PTPRK: variants seen among roughly 807,000 people sequenced by gnomAD.
PTPRK encodes the protein receptor-type tyrosine-protein phosphatase kappa.
A neutral mutation model predicts 178.0 loss-of-function variants in PTPRK; 75 were observed. That is an observed-to-expected ratio of 0.42 (90% CI 0.35 to 0.51). PTPRK has a LOEUF of 0.51. Among genes scored for constraint, PTPRK ranks in the 20% least tolerant of loss-of-function variants. The probability of loss-of-function intolerance (pLI) is 0.02; values close to 1 mark genes in which losing one functional copy is unlikely to be tolerated. For missense variants in PTPRK, 1,441 were observed against 1,797.8 expected (o/e 0.80, Z 3.59); for synonymous variants, 637 against 620.6 (o/e 1.03, Z -0.39).
intron 6 of PTPRK, among the ~76,000 whole-genome samples, chr6:128,187,538 G>A (rs1802987659): frequency 6.6e-6 from 1 of 152,156 alleles, no homozygotes; most frequent in Non-Finnish European, 1.5e-5. Context: ...TGTGATGCTA[G>A]GTTGCTTTGT....
At chr6:128,189,821 C>T (rs1583402191) in intron 6 of PTPRK, among the ~76,000 whole-genome samples, 1 of 152,080 alleles carries the variant, frequency 6.6e-6, no homozygotes, top group East Asian at 1.9e-4. Flanking sequence ...AATTTTCTTC[C>T]CCATCACCTA....
At chr6:128,173,995 A>G (rs1358497297) in intron 7 of PTPRK, among the ~76,000 whole-genome samples, 1 of 151,994 alleles carries the variant, frequency 6.6e-6, no homozygotes, top group Non-Finnish European at 1.5e-5. Context: ...AGATGAACTG[A>G]TGGATGAATA....
chr6:128,233,103 G>C (rs1562836792), intron 5 of PTPRK, among the ~76,000 whole-genome samples: 2 of 152,136 alleles, frequency 1.3e-5, no homozygotes, highest in African/African-American at 2.4e-5. Context: ...AAAATAAATA[G>C]TGTCAGGATA....
chr6:128,022,461 AC>A (rs929143023), intron 13 of PTPRK, among the ~76,000 whole-genome samples: 11 of 152,090 alleles, frequency 7.2e-5, no homozygotes, highest in Non-Finnish European at 1.5e-4. Flanking sequence ...TAGTATATTT[AC>A]TTTTTCGATT....
intron 3 of PTPRK, among the ~76,000 whole-genome samples, chr6:128,295,815 T>C (rs1016467964): frequency 6.6e-6 from 1 of 152,132 alleles, no homozygotes; most frequent in Non-Finnish European, 1.5e-5. Context: ...GCAGAGCTAA[T>C]ATACCTTAAA....
At chr6:128,171,741 G>A (rs1800291242) in intron 7 of PTPRK, among the ~76,000 whole-genome samples, 1 of 151,840 alleles carries the variant, frequency 6.6e-6, no homozygotes, top group South Asian at 2.1e-4. Flanking sequence ...ATGCCCTATT[G>A]TTTTATAGAA....
At chr6:128,296,261 C>G (rs1024044930) in intron 3 of PTPRK, among the ~76,000 whole-genome samples, 9 of 152,036 alleles carry the variant, frequency 5.9e-5, no homozygotes, top group African/African-American at 1.9e-4. Context: ...TCAGAATATA[C>G]CCTCGTCTTC....
chr6:128,021,731 G>A lies in PTPRK; in HGVS notation c.2195-12463C>T, dbSNP rs535437090. Among the ~76,000 whole-genome samples the A allele has an allele frequency of 3.9e-4, 59 of 152,282 alleles. 1 individual carries two copies. Among genetic ancestry groups the A allele is most frequent in the Admixed American group, 1.4e-3 (22 of 15,294 alleles). On this transcript the variant is annotated intron_variant, in intron 13 of 29. Coordinates refer to ENST00000368226, the MANE Select transcript of PTPRK (RefSeq NM_002844.4). Reference sequence around the variant, plus strand: ...CTTCGGAATTTCTCTGCACTTGTTGGCTGTGTTTCTCATTTGAACTTTAAA... The same window carrying A: ...CTTCGGAATTTCTCTGCACTTGTTGACTGTGTTTCTCATTTGAACTTTAAA...
chr6:128,341,208 C>T (rs1443678085), intron 2 of PTPRK, among the ~76,000 whole-genome samples: 1 of 152,030 alleles, frequency 6.6e-6, no homozygotes. Flanking sequence ...AACATAAACA[C>T]AAATGCAAAT....
chr6:128,373,695 G>A (rs891318973), intron 2 of PTPRK, among the ~76,000 whole-genome samples: 9 of 151,940 alleles, frequency 5.9e-5, no homozygotes, highest in Non-Finnish European at 1.2e-4. Context: ...GTAACTATGC[G>A]ATCAATATGC....
At chr6:128,073,634 G>A (rs1396508871) in intron 11 of PTPRK, among the ~76,000 whole-genome samples, 3 of 151,954 alleles carry the variant, frequency 2.0e-5, no homozygotes, top group Non-Finnish European at 4.4e-5. Context: ...GTCTGGCTCA[G>A]GGCTTCTCAC....
intron 3 of PTPRK, among the ~76,000 whole-genome samples, chr6:128,287,637 C>T (rs1383629822): frequency 1.3e-5 from 2 of 152,144 alleles, no homozygotes; most frequent in Admixed American, 6.6e-5. Context: ...ATCATCAAAA[C>T]TAGACACCAT....
chr6:128,290,638 C>T (rs1041598547), intron 3 of PTPRK, among the ~76,000 whole-genome samples: 2 of 151,896 alleles, frequency 1.3e-5, no homozygotes, highest in African/African-American at 4.8e-5. Flanking sequence ...AGAACTGGAG[C>T]TGCTTTAAAG....
At chr6:128,003,061 C>G (rs1277011354) in intron 15 of PTPRK, 2 of 784,072 alleles carry the variant, frequency 2.6e-6, no homozygotes, top group Non-Finnish European at 4.2e-6. Flanking sequence ...CACAGTTGCT[C>G]TCTTTGATAA....
intron 7 of PTPRK, among the ~76,000 whole-genome samples, chr6:128,103,502 A>C (rs903865117): frequency 1.1e-4 from 16 of 152,226 alleles, no homozygotes; most frequent in Middle Eastern, 3.4e-3. Flanking sequence ...CTAGAGCCCA[A>C]AAGTGCTCAC....
In PTPRK at chr6:128,282,885, G is replaced by A. The variant is rs933001976; in HGVS notation, c.495+39154C>T. 8.5e-5 allele frequency among the ~76,000 whole-genome samples: 13 copies of A among 152,264 alleles called. No individual in the cohort carries two copies. The East Asian group carries it at 2.3e-3, about 27-fold the overall frequency. Reference sequence around the variant, plus strand: ...TAAAGAGGCAATAATATAGCTATAAGTGTACAAAACGGAATGGTAGTTGGG... The same window carrying A: ...TAAAGAGGCAATAATATAGCTATAAATGTACAAAACGGAATGGTAGTTGGG... On this transcript the variant is annotated intron_variant, in intron 3 of 29. Transcript: ENST00000368226.
rs998054708 is a variant in PTPRK, at chr6:128,000,417, T to C, written c.2495-1513A>G. 1.5e-5 allele frequency: 13 copies of C among 864,676 alleles called. No homozygotes were observed. In the African/African-American group the frequency reaches 2.4e-4, roughly 16 times the overall value. The allele number at this position is 864,676 out of a possible 1,614,324, so 53.6% of individuals were successfully genotyped here. A position where few individuals can be genotyped will look rare whatever the true frequency, so the allele number is the denominator to read the frequency against. ...TGATTGCATTTATCTTTACTCCCTC[T>C]TATTAAGCTGAATGCTCTTTTTGTA... On this transcript the variant is annotated intron_variant, in intron 15 of 29. Transcript: ENST00000368226.
At chr6:128,321,806 C>A (rs994704027) in intron 3 of PTPRK, 8 of 712,348 alleles carry the variant, frequency 1.1e-5, no homozygotes, top group Non-Finnish European at 1.8e-5. Flanking sequence ...AGGTTTTGTG[C>A]CAATGTCTCC....
chr6:128,435,617 G>A (rs931004108), intron 1 of PTPRK, among the ~76,000 whole-genome samples: 9 of 152,122 alleles, frequency 5.9e-5, no homozygotes, highest in African/African-American at 2.2e-4. Context: ...TCTTTCTGGT[G>A]TATGGTCTTA....
Sources: gnomAD v4.1 joint callset for allele counts (sites outside exome capture counted in the v4.1 genomes callset) on GRCh38, gnomAD v4.1.1 for gene constraint, MANE v1.5 for transcripts, NCBI Gene and HGNC (gene_info 2026-07-23, HGNC 2026-07-21) for gene names.